The following STPG2 variants were observed in gnomAD, a reference collection of about 807,000 sequenced individuals.
The protein encoded by STPG2 is sperm tail PG-rich repeat containing 2.
STPG2 carries 56 observed loss-of-function variants against 54.2 expected under a neutral mutation model. The ratio of observed to expected loss-of-function variants is 1.03; its 90% CI spans 0.83 to 1.29. The LOEUF (loss-of-function observed/expected upper bound fraction) is 1.29, where lower values mean the gene tolerates loss of function less well. STPG2 is among the 50% of genes most tolerant of loss of function. The pLI, the probability that STPG2 is intolerant of heterozygous loss-of-function variation, is 0.00. For synonymous variants in STPG2, 200 were observed against 181.8 expected (o/e 1.10, Z -0.81); for missense variants, 596 against 544.9 (o/e 1.09, Z -0.93).
chr4:97,619,291 A>T (rs1578428815), intron 10 of STPG2, among the ~76,000 whole-genome samples: 1 of 152,190 alleles, frequency 6.6e-6, no homozygotes, highest in East Asian at 1.9e-4. Context: ...TTATCTGATT[A>T]TCTCAAAATT....
intron 10 of STPG2, among the ~76,000 whole-genome samples, chr4:97,691,640 C>T (rs1172884119): frequency 2.0e-5 from 3 of 152,070 alleles, no homozygotes; most frequent in Non-Finnish European, 4.4e-5. Flanking sequence ...AGTTCTATGG[C>T]CCTACCCACC....
chr4:97,957,940 C>T (rs550170655), intron 7 of STPG2, among the ~76,000 whole-genome samples: 2 of 152,114 alleles, frequency 1.3e-5, no homozygotes, highest in South Asian at 2.1e-4. Context: ...AAAACAAATC[C>T]CAGAAGCACA....
intron 9 of STPG2, among the ~76,000 whole-genome samples, chr4:97,794,625 G>C (rs1485690069): frequency 2.0e-5 from 3 of 152,076 alleles, no homozygotes; most frequent in Non-Finnish European, 4.4e-5. Context: ...AGAGTGTTGA[G>C]TTTTAATAAA....
rs371317865 is a variant in STPG2, at chr4:97,983,843, A to C, written c.613-2525T>G. ...GAGAAACACACACATACATATATAC[A>C]CTCATACATAGACATGTGAACATAT... On this transcript the variant is annotated intron_variant, in intron 5 of 10. Transcript: ENST00000295268. Among the ~76,000 whole-genome samples the C allele has an allele frequency of 2.0e-5, 3 of 152,210 alleles. No individual in the cohort carries two copies. The South Asian group carries it at 6.2e-4, about 32-fold the overall frequency.
intron 7 of STPG2, among the ~76,000 whole-genome samples, chr4:97,959,810 C>T (rs1003203147): frequency 9.2e-5 from 14 of 151,890 alleles, no homozygotes; most frequent in Non-Finnish European, 1.3e-4. Flanking sequence ...CTATTCAAAA[C>T]GATAGAGAAA....
At chr4:97,949,824 T>TC in intron 7 of STPG2, among the ~76,000 whole-genome samples, 1 of 152,308 alleles carries the variant, frequency 6.6e-6, no homozygotes, top group East Asian at 1.9e-4. Context: ...ATTATTTCAT[T>TC]CACATTGACT....
intron 9 of STPG2, among the ~76,000 whole-genome samples, chr4:97,764,215 A>T (rs1335766496): frequency 6.6e-6 from 1 of 151,870 alleles, no homozygotes; most frequent in Non-Finnish European, 1.5e-5. Flanking sequence ...AGAGTCCTCA[A>T]CTCAAATGGA....
At chr4:97,550,381 C>CA (rs1441102961) in intron 4 of STPG2, among the ~76,000 whole-genome samples, 2 of 151,346 alleles carry the variant, frequency 1.3e-5, no homozygotes, top group Non-Finnish European at 1.5e-5. Flanking sequence ...TCAAGAAACA[C>CA]AAAAAAATAT....
intron 10 of STPG2, among the ~76,000 whole-genome samples, chr4:97,579,907 T>C (rs1732821322): frequency 6.6e-6 from 1 of 152,016 alleles, no homozygotes; most frequent in South Asian, 2.1e-4. Flanking sequence ...CATATAGCCA[T>C]CAAAATTAAG....
At chr4:97,965,590 C>G (rs72686458) in intron 7 of STPG2, among the ~76,000 whole-genome samples, 1 of 152,202 alleles carries the variant, frequency 6.6e-6, no homozygotes, top group South Asian at 2.1e-4. Context: ...CTTCCCAGAA[C>G]GGGCTAACAG....
At chr4:97,773,969 G>A (rs915940991) in intron 9 of STPG2, among the ~76,000 whole-genome samples, 21 of 150,404 alleles carry the variant, frequency 1.4e-4, no homozygotes, top group Admixed American at 1.2e-3. Flanking sequence ...GGGTAACATG[G>A]CAAGACTCTG....
intron 10 of STPG2, among the ~76,000 whole-genome samples, chr4:97,626,011 T>A (rs1734129003): frequency 6.6e-6 from 1 of 152,216 alleles, no homozygotes; most frequent in African/African-American, 2.4e-5. Flanking sequence ...TATCCATAAC[T>A]GCTGTGAAAA....
intron 10 of STPG2, among the ~76,000 whole-genome samples, chr4:97,582,519 C>T (rs750262832): frequency 1.7e-4 from 26 of 151,990 alleles, no homozygotes; most frequent in Non-Finnish European, 2.9e-4. Flanking sequence ...TAATCATACT[C>T]ATAATTTTAT....
intron 10 of STPG2, among the ~76,000 whole-genome samples, chr4:97,695,278 T>G (rs1191617742): frequency 6.6e-6 from 1 of 152,182 alleles, no homozygotes; most frequent in East Asian, 1.9e-4. Context: ...GAAAATCATT[T>G]GACAAAATCC....
chr4:98,085,461 C>A (rs1738477135), intron 5 of STPG2, among the ~76,000 whole-genome samples: 1 of 152,104 alleles, frequency 6.6e-6, no homozygotes, highest in Non-Finnish European at 1.5e-5. Flanking sequence ...TACATTGAAT[C>A]CGTAGATTAA....
intron 9 of STPG2, among the ~76,000 whole-genome samples, chr4:97,720,910 A>C (rs1275729723): frequency 6.6e-6 from 1 of 151,834 alleles, no homozygotes; most frequent in Non-Finnish European, 1.5e-5. Context: ...ATAGCACTAC[A>C]TCCTATCTTT....
chr4:97,789,143 T>C (rs1726916562), intron 9 of STPG2, among the ~76,000 whole-genome samples: 1 of 152,050 alleles, frequency 6.6e-6, no homozygotes, highest in South Asian at 2.1e-4. Flanking sequence ...TTACTATTTC[T>C]TGCTTTCTTC....
rs865824250 is a variant in STPG2, at chr4:97,543,114, A to C, written c.462+169585T>G. ...ATTGTGCACATGTACCCTAGAACTT[A>C]AGGTGTAATAAAAAATATATATATA... On this transcript the variant is annotated intron_variant, in intron 4 of 4. Transcript: ENST00000522676. Among the ~76,000 whole-genome samples, 3 of 151,710 alleles carry C rather than the reference A, an allele frequency of 2.0e-5. No homozygotes were observed. In the South Asian group the frequency reaches 6.2e-4, roughly 31 times the overall value.
At chr4:97,965,482 G>C (rs1346853362) in intron 7 of STPG2, among the ~76,000 whole-genome samples, 1 of 152,200 alleles carries the variant, frequency 6.6e-6, no homozygotes, top group Non-Finnish European at 1.5e-5. Flanking sequence ...ACTCTGAAGA[G>C]AGCAGTGGTT....
Sources: allele counts gnomAD v4.1 joint callset (sites outside exome capture counted in the v4.1 genomes callset), GRCh38; gene constraint gnomAD v4.1.1; transcripts MANE v1.5; gene names NCBI Gene and HGNC (gene_info 2026-07-23, HGNC 2026-07-21).